ZDHHC14: variants seen among roughly 807,000 people sequenced by gnomAD.
The protein encoded by ZDHHC14 is zDHHC palmitoyltransferase 14.
ZDHHC14 carries 16 observed loss-of-function variants against 47.7 expected under a neutral mutation model. The observed-to-expected ratio is 0.34, with a 90% CI of 0.23 to 0.51. The LOEUF (loss-of-function observed/expected upper bound fraction) is 0.51, where lower values mean the gene tolerates loss of function less well. Ranked by LOEUF, ZDHHC14 falls within the 20% of genes least tolerant of loss-of-function variation. The pLI is 0.97. For missense variants in ZDHHC14, 515 were observed against 662.5 expected (o/e 0.78, Z 2.44); for synonymous variants, 293 against 278.9 (o/e 1.05, Z -0.50).
intron 1 of ZDHHC14, among the ~76,000 whole-genome samples, chr6:157,394,779 C>T (rs1777488682): frequency 6.6e-6 from 1 of 152,170 alleles, no homozygotes; most frequent in Non-Finnish European, 1.5e-5. Flanking sequence ...TATACAGCCA[C>T]AGTAACTGGA....
chr6:157,390,409 G>C (rs149619521), intron 1 of ZDHHC14, among the ~76,000 whole-genome samples: 2 of 152,070 alleles, frequency 1.3e-5, no homozygotes, highest in Non-Finnish European at 2.9e-5. Flanking sequence ...GGGGTTTGCC[G>C]AGCTTCTTGG....
intron 2 of ZDHHC14, among the ~76,000 whole-genome samples, chr6:157,576,559 C>T (rs180685981): frequency 4.8e-4 from 73 of 152,288 alleles, no homozygotes; most frequent in Non-Finnish European, 7.9e-4. Flanking sequence ...TTACAGAGCA[C>T]GACTAAAATG....
At chr6:157,417,042 C>G (rs1777994950) in intron 1 of ZDHHC14, among the ~76,000 whole-genome samples, 1 of 127,514 alleles carries the variant, frequency 7.8e-6, no homozygotes, top group African/African-American at 3.0e-5. Flanking sequence ...GTTGGCCAGG[C>G]TGGTCTCGAA....
intron 1 of ZDHHC14, among the ~76,000 whole-genome samples, chr6:157,485,046 G>C (rs1046283301): frequency 1.3e-5 from 2 of 152,048 alleles, no homozygotes; most frequent in Non-Finnish European, 2.9e-5. Flanking sequence ...GACATGAGAC[G>C]AGATCGCGCC....
At chr6:157,562,268 G>C (rs904019647) in intron 2 of ZDHHC14, among the ~76,000 whole-genome samples, 2 of 152,194 alleles carry the variant, frequency 1.3e-5, no homozygotes, top group Non-Finnish European at 2.9e-5. Flanking sequence ...CCTGGGCAAT[G>C]AAGGGCAGAA....
At chr6:157,491,992 C>T (rs1779929977) in intron 1 of ZDHHC14, among the ~76,000 whole-genome samples, 1 of 152,346 alleles carries the variant, frequency 6.6e-6, no homozygotes, top group East Asian at 1.9e-4. Flanking sequence ...TACCACAGGC[C>T]GGCCAGGGAA....
intron 1 of ZDHHC14, among the ~76,000 whole-genome samples, chr6:157,479,025 T>C (rs1779555593): frequency 6.6e-6 from 1 of 152,136 alleles, no homozygotes; most frequent in Non-Finnish European, 1.5e-5. Flanking sequence ...CAGCCAACTG[T>C]GTTGGGCTGG....
At chr6:157,643,690 A>G (rs1220227765) in intron 5 of ZDHHC14, among the ~76,000 whole-genome samples, 1 of 85,170 alleles carries the variant, frequency 1.2e-5, no homozygotes, top group East Asian at 2.9e-4. Context: ...GTATTTTTTT[A>G]TTGTTGCTAT....
intron 1 of ZDHHC14, among the ~76,000 whole-genome samples, chr6:157,391,920 C>A (rs902570072): frequency 6.6e-6 from 1 of 152,180 alleles, no homozygotes; most frequent in Non-Finnish European, 1.5e-5. Context: ...ATATGTAATT[C>A]ATTTTTACTG....
intron 5 of ZDHHC14, among the ~76,000 whole-genome samples, chr6:157,635,328 C>G (rs1047503759): frequency 7.2e-5 from 11 of 152,138 alleles, no homozygotes; most frequent in Non-Finnish European, 2.9e-5. Context: ...TGACAGACCT[C>G]CCAAGTCATG....
intron 1 of ZDHHC14, among the ~76,000 whole-genome samples, chr6:157,531,550 C>T (rs1476467354): frequency 6.6e-6 from 1 of 152,162 alleles, no homozygotes; most frequent in Non-Finnish European, 1.5e-5. Context: ...ACACCTGTGT[C>T]TCCACACTTG....
At chr6:157,557,119 A>G (rs1782505322) in intron 2 of ZDHHC14, among the ~76,000 whole-genome samples, 1 of 152,226 alleles carries the variant, frequency 6.6e-6, no homozygotes, top group South Asian at 2.1e-4. Flanking sequence ...TCTCTGAACC[A>G]GGGGCAAAAT....
chr6:157,558,092 T>A (rs1782550954), intron 2 of ZDHHC14, among the ~76,000 whole-genome samples: 1 of 152,246 alleles, frequency 6.6e-6, no homozygotes. Context: ...TGAAAAGTAA[T>A]CAATATGTAA....
intron 2 of ZDHHC14, among the ~76,000 whole-genome samples, chr6:157,573,955 C>T (rs930895215): frequency 2.7e-5 from 4 of 147,572 alleles, no homozygotes; most frequent in Admixed American, 6.9e-5. Context: ...TGAGAAACCT[C>T]GGGGTCGGGG....
intron 1 of ZDHHC14, among the ~76,000 whole-genome samples, chr6:157,482,329 C>T (rs146421821): frequency 6.9e-6 from 1 of 145,916 alleles, no homozygotes; most frequent in Non-Finnish European, 1.5e-5. Flanking sequence ...GGCACGATCT[C>T]GGCTCACTCT....
At chr6:157,466,663 C>T (rs1051169747) in intron 1 of ZDHHC14, among the ~76,000 whole-genome samples, 7 of 151,944 alleles carry the variant, frequency 4.6e-5, no homozygotes, top group South Asian at 2.1e-4. Flanking sequence ...CATGGTGAAA[C>T]GCCGTCTCTA....
At chr6:157,535,727 G>C (rs1781526547) in intron 1 of ZDHHC14, among the ~76,000 whole-genome samples, 2 of 152,190 alleles carry the variant, frequency 1.3e-5, no homozygotes, top group Admixed American at 6.5e-5. Context: ...TCTTGTAGGG[G>C]AATGTCACTC....
At chr6:157,550,485 C>T (rs9456471) in intron 2 of ZDHHC14, among the ~76,000 whole-genome samples, 11 of 134,200 alleles carry the variant, frequency 8.2e-5, no homozygotes, top group African/African-American at 3.5e-4. Context: ...GAGACCACAG[C>T]GTCACACAGG....
At chr6:157,509,743 C>T (rs1780415266) in intron 1 of ZDHHC14, among the ~76,000 whole-genome samples, 1 of 152,190 alleles carries the variant, frequency 6.6e-6, no homozygotes, top group African/African-American at 2.4e-5. Flanking sequence ...GAGTGCTTTC[C>T]TTTTCATTCA....
Sources: gnomAD v4.1 joint callset for allele counts (sites outside exome capture counted in the v4.1 genomes callset) on GRCh38, gnomAD v4.1.1 for gene constraint, MANE v1.5 for transcripts, NCBI Gene and HGNC (gene_info 2026-07-23, HGNC 2026-07-21) for gene names.